Variants in CDC42SE2 observed in about 807,000 individuals in gnomAD.
The protein encoded by CDC42SE2 is CDC42 small effector protein 2.
CDC42SE2 carries 3 observed loss-of-function variants against 11.5 expected under a neutral mutation model. That is an observed-to-expected ratio of 0.26 (90% confidence interval 0.12 to 0.67). CDC42SE2 has a LOEUF of 0.67. Among genes scored for constraint, CDC42SE2 ranks in the 30% least tolerant of loss-of-function variants. CDC42SE2 has a pLI of 0.80. For synonymous variants in CDC42SE2, 33 were observed against 34.8 expected, an observed-to-expected ratio of 0.95 and a Z score of 0.18; for missense variants, 82 against 106.8, an observed-to-expected ratio of 0.77 and a Z score of 1.02.
chr5:131,363,141 T>TA (rs758946677), intron 3 of CDC42SE2, among the ~76,000 whole-genome samples: 2,955 of 139,862 alleles, frequency 0.021, 43 homozygotes, highest in Middle Eastern at 0.083. Context: ...AGACTCTATC[T>TA]AAAAAAAAAA....
Position 131,394,195 on chromosome 5 carries a change from T to C in CDC42SE2, c.*3104T>C, listed in dbSNP as rs185911641. Reference sequence around the variant, plus strand: ...GGATTTTACTACTCAACATTCATTATACTGTTAATCTTTGCTGAAATATAT... The same window carrying C: ...GGATTTTACTACTCAACATTCATTACACTGTTAATCTTTGCTGAAATATAT... On this transcript the variant is annotated 3_prime_UTR_variant, in exon 5 of 5. Transcript: ENST00000505065. 2.0e-5 allele frequency: 3 copies of C among 152,500 alleles called. No homozygotes were observed. Among genetic ancestry groups the C allele is most frequent in the Non-Finnish European group, 2.9e-5 (2 of 68,032 alleles). The allele number at this position is 152,500 out of a possible 1,614,324, so 9.4% of individuals were successfully genotyped here.
At chr5:131,356,671 G>A (rs1297799523) in intron 2 of CDC42SE2, among the ~76,000 whole-genome samples, 15 of 152,214 alleles carry the variant, frequency 9.9e-5, no homozygotes, top group Admixed American at 9.8e-4. Flanking sequence ...TATAATGCCA[G>A]CACTTTGGGA....
chr5:131,348,403 A>G (rs998162861), intron 2 of CDC42SE2, among the ~76,000 whole-genome samples: 1 of 152,322 alleles, frequency 6.6e-6, no homozygotes, highest in Admixed American at 6.5e-5. Flanking sequence ...TGGTACAAAG[A>G]GAATAAAATA....
At chr5:131,313,354 T>C (rs1757972065) in intron 1 of CDC42SE2, among the ~76,000 whole-genome samples, 3 of 152,192 alleles carry the variant, frequency 2.0e-5, no homozygotes, top group Admixed American at 2.0e-4. Context: ...AACAGTGTCT[T>C]GCAAATAGCA....
intron 3 of CDC42SE2, among the ~76,000 whole-genome samples, chr5:131,360,828 G>T (rs187327755): frequency 1.3e-5 from 2 of 152,006 alleles, no homozygotes; most frequent in Admixed American, 6.6e-5. Flanking sequence ...GCCTCCCAAA[G>T]TGCTGGGATT....
intron 2 of CDC42SE2, among the ~76,000 whole-genome samples, chr5:131,348,587 A>G (rs574563975): frequency 8.2e-4 from 125 of 152,224 alleles, no homozygotes; most frequent in Non-Finnish European, 1.5e-3. Context: ...TATAGATTCA[A>G]TGCCATCCCC....
At chr5:131,328,648 A>G (rs868118754) in intron 2 of CDC42SE2, among the ~76,000 whole-genome samples, 3 of 152,194 alleles carry the variant, frequency 2.0e-5, no homozygotes, top group Non-Finnish European at 2.9e-5. Flanking sequence ...CATTCCAGTA[A>G]TACTGCTTCA....
rs562646566 is a variant in CDC42SE2 at position 131,310,411 on chromosome 5, A to C, written c.-454-5565A>C. On this transcript the variant is annotated intron_variant, in intron 1 of 4. Transcript: ENST00000505065. Reference sequence around the variant, plus strand: ...ATAGGTGTGGTGTGGTGCTGAAAAAAATGTATATTCTGTTGATTTGGGGTG... The same window carrying C: ...ATAGGTGTGGTGTGGTGCTGAAAAACATGTATATTCTGTTGATTTGGGGTG... Among the ~76,000 whole-genome samples the C allele has an allele frequency of 4.6e-5, 7 of 151,958 alleles. No individual in the cohort carries two copies. The East Asian group carries it at 1.2e-3, about 25-fold the overall frequency.
chr5:131,339,919 A>G (rs1368212410), intron 2 of CDC42SE2, among the ~76,000 whole-genome samples: 3 of 152,250 alleles, frequency 2.0e-5, no homozygotes, highest in Admixed American at 1.3e-4. Flanking sequence ...AGTCCTAAAT[A>G]TATAAAAATG....
chr5:131,277,526 C>T (rs1757128533), intron 1 of CDC42SE2, among the ~76,000 whole-genome samples: 1 of 152,198 alleles, frequency 6.6e-6, no homozygotes, highest in African/African-American at 2.4e-5. Flanking sequence ...AAACTGTACT[C>T]ACCCAGAAAA....
At chr5:131,233,717 A>G in the CDC42SE2 span, among the ~76,000 whole-genome samples, 2 of 152,140 alleles carry the variant, frequency 1.3e-5, no homozygotes, top group Non-Finnish European at 2.9e-5. Context: ...TCTGCACACT[A>G]TATGTATATT....
At chr5:131,352,240 A>T (rs1348629878) in intron 2 of CDC42SE2, among the ~76,000 whole-genome samples, 6 of 152,228 alleles carry the variant, frequency 3.9e-5, no homozygotes. Flanking sequence ...TTAAAATCAT[A>T]CTTAGTATAT....
At chr5:131,232,498 T>C in the CDC42SE2 span, among the ~76,000 whole-genome samples, 3 of 152,018 alleles carry the variant, frequency 2.0e-5, no homozygotes, top group African/African-American at 7.2e-5. Context: ...TTTGGGAGGC[T>C]GAGGCGGGTG....
intron 2 of CDC42SE2, among the ~76,000 whole-genome samples, chr5:131,350,175 T>C (rs17132470): frequency 0.048 from 7,308 of 152,090 alleles, 496 homozygotes; most frequent in African/African-American, 0.15. Context: ...AAATGAGCAA[T>C]AATTTGGTAA....
At chr5:131,289,455 G>A (rs537605014) in intron 1 of CDC42SE2, among the ~76,000 whole-genome samples, 2 of 152,182 alleles carry the variant, frequency 1.3e-5, no homozygotes, top group South Asian at 2.1e-4. Context: ...GGTGAATCAC[G>A]AGGTCAGGAG....
chr5:131,294,847 G>A (rs183802646), intron 1 of CDC42SE2, among the ~76,000 whole-genome samples: 1,584 of 152,164 alleles, frequency 0.01, 32 homozygotes, highest in African/African-American at 0.036. Flanking sequence ...GAAAAATTAG[G>A]CTGGGTGCAG....
At chr5:131,246,250 G>A (rs992263714) in intron 1 of CDC42SE2, among the ~76,000 whole-genome samples, 6 of 152,184 alleles carry the variant, frequency 3.9e-5, no homozygotes, top group Non-Finnish European at 8.8e-5. Context: ...GAGGTCAGGA[G>A]TTCAAGACCA....
At chr5:131,328,735 C>A (rs1366214221) in intron 2 of CDC42SE2, among the ~76,000 whole-genome samples, 3 of 152,082 alleles carry the variant, frequency 2.0e-5, no homozygotes, top group Non-Finnish European at 4.4e-5. Context: ...TGTCTGTGTC[C>A]CTTGCGGGGT....
chr5:131,295,778 G>T (rs952858883), intron 1 of CDC42SE2, among the ~76,000 whole-genome samples: 1 of 152,046 alleles, frequency 6.6e-6, no homozygotes, highest in Non-Finnish European at 1.5e-5. Context: ...CACCTCCCGG[G>T]TTCACGCCAT....
Sources: allele counts gnomAD v4.1 joint callset (sites outside exome capture counted in the v4.1 genomes callset), GRCh38; gene constraint gnomAD v4.1.1; transcripts MANE v1.5; gene names NCBI Gene and HGNC (gene_info 2026-07-23, HGNC 2026-07-21).